The following SLC26A9 variants were observed in gnomAD, a reference collection of about 807,000 sequenced individuals.
The protein encoded by SLC26A9 is solute carrier family 26 member 9, also known as anion transporter/exchanger protein 9.
Under a neutral mutation model 87.1 loss-of-function variants are expected in SLC26A9, and 46 were observed. The ratio of observed to expected loss-of-function variants is 0.53; its 90% CI spans 0.42 to 0.67. The LOEUF (loss-of-function observed/expected upper bound fraction) is 0.67. SLC26A9 is among the 30% of genes least tolerant of loss of function. The pLI, the probability that SLC26A9 is intolerant of heterozygous loss-of-function variation, is 0.00. For synonymous variants in SLC26A9, 437 were observed against 409.1 expected (o/e 1.07, Z -0.82); for missense variants, 927 against 1,018.3 (o/e 0.91, Z 1.22).
intron 15 of SLC26A9, 35 bp from the exon 16 acceptor site, chr1:205,923,230 C>T: frequency 6.2e-7 from 1 of 1,612,116 alleles, no homozygotes; most frequent in East Asian, 2.2e-5. Flanking sequence ...TCTTGACCTC[C>T]ACCCTCTATG....
At chr1:205,921,901 C>A (rs368272560) in intron 16 of SLC26A9, 54 bp from the exon 17 acceptor site, 1 of 1,559,338 alleles carries the variant, frequency 6.4e-7, no homozygotes. Flanking sequence ...TGAGCCAGAC[C>A]TTGCTGTGAC....
At chr1:205,917,488 C>G in intron 19 of SLC26A9, 134 bp from the exon 20 acceptor site, 1 of 822,288 alleles carries the variant, frequency 1.2e-6, no homozygotes, top group Non-Finnish European at 2.1e-6. Context: ...ATCCTCTTGC[C>G]CCTTCCCTTA....
rs1298609125 is a variant in SLC26A9 at position 205,935,856 on chromosome 1, G to A, written c.-18-18C>T. ...TTTACAAGCTTTGGGAGAAGCAGAG[G>A]AGGGGAGGGTGAGGGAACATCCCTC... On this transcript the variant is annotated intron_variant, in intron 1 of 20. Coordinates refer to ENST00000367135, the MANE Select transcript of SLC26A9 (RefSeq NM_052934.4). 1 of 1,604,436 alleles carries A rather than the reference G, an allele frequency of 6.2e-7. No homozygotes were observed. The highest frequency in any genetic ancestry group is 8.5e-7 in the Non-Finnish European group (1 of 1,173,888).
intron 11 of SLC26A9, 115 bp from the exon 12 acceptor site, chr1:205,926,745 C>T (rs146473115): frequency 1.1e-5 from 9 of 802,364 alleles, no homozygotes; most frequent in Non-Finnish European, 1.9e-5. Flanking sequence ...GAACACCTCC[C>T]CTGGCTGATC....
intron 2 of SLC26A9, among the ~76,000 whole-genome samples, chr1:205,933,364 G>A (rs139826068): frequency 1.3e-4 from 20 of 152,236 alleles, no homozygotes; most frequent in African/African-American, 4.3e-4. Flanking sequence ...CTCAGCCTTC[G>A]GAGGTATCAG....
chr1:205,932,446 TC>T (rs1271893578), intron 4 of SLC26A9, among the ~76,000 whole-genome samples: 4 of 152,170 alleles, frequency 2.6e-5, no homozygotes, highest in African/African-American at 9.7e-5. Context: ...ATATGGTATA[TC>T]TTGTTCTGCT....
Position 205,932,827 on chromosome 1 carries a change from G to C in SLC26A9, c.266-15C>G, listed in dbSNP as rs759159697. 6.3e-7 allele frequency: 1 copy of C among 1,591,024 alleles called. No individual in the cohort carries two copies. The highest frequency in any genetic ancestry group is 8.6e-7 in the Non-Finnish European group (1 of 1,167,736). The stretch of plus-strand genomic sequence containing the variant: ...AAATGCCATGCCTGCAGAGGACAAC[G>C]AGACTGAAGCTCAGCAGCATGACTA... On this transcript the variant is annotated splice_polypyrimidine_tract_variant and intron_variant, in intron 3 of 20. Transcript: ENST00000367135.
chr1:205,924,281 T>G (rs1571738104), intron 13 of SLC26A9, 102 bp downstream of exon 13: 1 of 1,070,088 alleles, frequency 9.3e-7, no homozygotes, highest in Non-Finnish European at 1.4e-6. Context: ...GGCCCAGAGG[T>G]GGAAGGTACA....
intron 16 of SLC26A9, 50 bp downstream of exon 16, chr1:205,923,032 C>A (rs1184202230): frequency 1.3e-6 from 2 of 1,558,002 alleles, no homozygotes; most frequent in East Asian, 2.2e-5. Context: ...GGGGCAGTAT[C>A]AGAATGGGCA....
chr1:205,915,668 C>G (rs1380337085), intron 20 of SLC26A9, among the ~76,000 whole-genome samples: 1 of 152,094 alleles, frequency 6.6e-6, no homozygotes, highest in African/African-American at 2.4e-5. Flanking sequence ...GTGTGACCTT[C>G]CACGTGTCCC....
intron 9 of SLC26A9, 66 bp from the exon 10 acceptor site, chr1:205,927,671 A>G (rs529505714): frequency 1.3e-4 from 186 of 1,483,890 alleles, no homozygotes; most frequent in Non-Finnish European, 1.4e-4. Flanking sequence ...AAGTGCAGTC[A>G]GGCATGCAAG....
chr1:205,933,161 C>T, intron 2 of SLC26A9, 77 bp from the exon 3 acceptor site: 1 of 1,568,480 alleles, frequency 6.4e-7, no homozygotes, highest in Non-Finnish European at 8.7e-7. Flanking sequence ...ATTATCATAT[C>T]CTGCTCATTT....
Position 205,920,180 on chromosome 1 carries a change from G to C in SLC26A9, c.2106C>G (p.Ile702Met). The C allele has an allele frequency of 1.9e-6, 3 of 1,613,924 alleles. No homozygotes were observed. Among genetic ancestry groups the C allele is most frequent in the Non-Finnish European group, 2.5e-6 (3 of 1,179,848 alleles). Residue 702 changes from isoleucine to methionine, a missense_variant, in exon 18 of 21, where the codon ATC becomes ATG. Physicochemically the swap from Ile to Met is conservative, Grantham distance 10. Coordinates refer to ENST00000367135, the MANE Select transcript of SLC26A9 (RefSeq NM_052934.4). ...KIGVKVFLVNIHAQVYNDISH... is the reference protein window; with the variant it reads ...KIGVKVFLVNMHAQVYNDISH... ...TAAATGTCCTCTTTCTCTTACCATG[G>C]ATGTTCACCAAGAAGACCTTCACGC...
intron 1 of SLC26A9, among the ~76,000 whole-genome samples, chr1:205,937,180 C>A (rs1659539609): frequency 1.3e-5 from 2 of 151,940 alleles, no homozygotes; most frequent in African/African-American, 2.4e-5. Flanking sequence ...GTCTTGGGAT[C>A]CCAAGGTCCA....
Position 205,920,205 on chromosome 1 carries a change from C to A in SLC26A9, c.2081G>T (p.Gly694Val). The change falls in exon 18 of 21, where the codon GGC becomes GTC. Residue 694 changes from glycine (G) to valine (V), a missense_variant. Coordinates refer to ENST00000367135, the MANE Select transcript of SLC26A9 (RefSeq NM_052934.4). ...GATGTTCACCAAGAAGACCTTCACG[C>A]CGATCTTCCCATAGGTGGAGCTCAG... is the stretch of plus-strand genomic sequence containing the variant. ...AKLSSTYGKI[G>V]VKVFLVNIHA... The A allele has an allele frequency of 6.2e-7, 1 of 1,614,060 alleles. No homozygotes were observed. The highest frequency in any genetic ancestry group is 8.5e-7 in the Non-Finnish European group (1 of 1,179,936).
intron 17 of SLC26A9, among the ~76,000 whole-genome samples, chr1:205,920,464 T>G (rs781594685): frequency 1.3e-5 from 2 of 152,202 alleles, no homozygotes; most frequent in African/African-American, 4.8e-5. Context: ...GGCGGGCACT[T>G]AAAGTCACCA....
intron 1 of SLC26A9, among the ~76,000 whole-genome samples, chr1:205,937,185 G>T (rs965229322): frequency 7.9e-5 from 12 of 151,894 alleles, no homozygotes; most frequent in African/African-American, 2.7e-4. Flanking sequence ...GGGATCCCAA[G>T]GTCCACTTGA....
intron 10 of SLC26A9, 82 bp from the exon 11 acceptor site, chr1:205,927,370 A>G: frequency 1.9e-6 from 3 of 1,570,876 alleles, no homozygotes; most frequent in Non-Finnish European, 2.6e-6. Context: ...GCTTTGGTGG[A>G]GTGGAGACTA....
At chr1:205,930,564 C>T (rs1659263890) in intron 5 of SLC26A9, among the ~76,000 whole-genome samples, 1 of 152,182 alleles carries the variant, frequency 6.6e-6, no homozygotes, top group South Asian at 2.1e-4. Flanking sequence ...ACCTCCCACT[C>T]ATCATTGTGT....
Sources: gnomAD v4.1 joint callset for allele counts (sites outside exome capture counted in the v4.1 genomes callset) on GRCh38, gnomAD v4.1.1 for gene constraint, MANE v1.5 for transcripts, NCBI Gene and HGNC (gene_info 2026-07-23, HGNC 2026-07-21) for gene names.